NKD1: variants seen among roughly 807,000 people sequenced by gnomAD.
NKD1 encodes protein naked cuticle homolog 1.
In NKD1, 21 loss-of-function variants were observed where a neutral mutation model predicts 56.0. The ratio of observed to expected loss-of-function variants is 0.38; its 90% CI spans 0.27 to 0.54. NKD1 has a LOEUF of 0.54. Among genes scored for constraint, NKD1 ranks in the 20% least tolerant of loss-of-function variants. The pLI, the probability that NKD1 is intolerant of heterozygous loss-of-function variation, is 0.82. For missense variants in NKD1, 578 were observed against 642.7 expected (o/e 0.90, Z 1.09); for synonymous variants, 263 against 265.7 (o/e 0.99, Z 0.10).
chr16:50,584,432 C>T (rs1217523085), intron 3 of NKD1, among the ~76,000 whole-genome samples: 1 of 152,226 alleles, frequency 6.6e-6, no homozygotes, highest in Admixed American at 6.5e-5. Context: ...TGTAATCAGC[C>T]TGCCCCAGTT....
chr16:50,588,598 C>CTTTTTTTTTTTTTTTTTTTTTT (rs574622414), intron 3 of NKD1, among the ~76,000 whole-genome samples: 5 of 94,654 alleles, frequency 5.3e-5, no homozygotes, highest in South Asian at 3.6e-4. Context: ...TTTTCTTCTG[C>CTTTTTTTTTTTTTTTTTTTTTT]TTTTTTTTTT....
intron 3 of NKD1, among the ~76,000 whole-genome samples, chr16:50,595,207 C>G (rs1200112066): frequency 6.6e-6 from 1 of 152,174 alleles, no homozygotes; most frequent in African/African-American, 2.4e-5. Context: ...GATCCTGGCT[C>G]TGCTCCTCTT....
At position 50,640,978 on chromosome 16, in the gene NKD1, G is replaced by C. The variant is rs1962568648; in HGVS notation, c.*7197G>C. 6.6e-6 allele frequency: 1 copy of C among 152,220 alleles called. No homozygotes were observed. Among genetic ancestry groups the C allele is most frequent in the Non-Finnish European group, 1.5e-5 (1 of 68,040 alleles). The allele number at this position is 152,220 out of a possible 1,614,324, so 9.4% of individuals were successfully genotyped here. A position where few individuals can be genotyped will look rare whatever the true frequency, so the allele number is the denominator to read the frequency against. ...TTCCCATTTTAGAGACGGGAGACCTGAGACTCCAGGTGGGGGTGTGGAGTC... is the reference window on the plus strand; with the variant it reads ...TTCCCATTTTAGAGACGGGAGACCTCAGACTCCAGGTGGGGGTGTGGAGTC... On this transcript the variant is annotated 3_prime_UTR_variant, in exon 10 of 10. Transcript: ENST00000268459.
At chr16:50,553,422 G>T (rs1374099767) in intron 3 of NKD1, 5 of 152,246 alleles carry the variant, frequency 3.3e-5, no homozygotes, top group Admixed American at 3.3e-4. Flanking sequence ...AAAGGCGGCT[G>T]CCAGGCAGTT....
intron 6 of NKD1, among the ~76,000 whole-genome samples, chr16:50,628,821 G>C (rs1158960596): frequency 1.3e-5 from 2 of 152,192 alleles, no homozygotes; most frequent in Non-Finnish European, 2.9e-5. Context: ...ATTCCTCACG[G>C]TTCTGGAGGC....
intron 3 of NKD1, chr16:50,556,774 G>T (rs1472111279): frequency 7.1e-6 from 1 of 140,458 alleles, no homozygotes; most frequent in East Asian, 2.1e-4. Flanking sequence ...GGGACTCACT[G>T]TGTTGCCCAG....
At chr16:50,549,362 CG>C in intron 2 of NKD1, 59 bp from the exon 3 acceptor site, 26 of 1,579,310 alleles carry the variant, frequency 1.6e-5, no homozygotes, top group African/African-American at 2.7e-5. Flanking sequence ...CTTCCCTCCG[CG>C]GGGGTAACTT....
At position 50,633,206 on chromosome 16, in the gene NKD1, G is replaced by T; in HGVS notation, c.838G>T (p.Ala280Ser). ...SQFGPGSPSV[A>S]QKSELPPRTS... ...TTGGTTCCTAGGCTCCCCTTCCGTGGCCCAGAAGTCAGAACTGCCCCCCCG... is the reference window on the plus strand; with the variant it reads ...TTGGTTCCTAGGCTCCCCTTCCGTGTCCCAGAAGTCAGAACTGCCCCCCCG... Residue 280 changes from alanine (A) to serine (S), a missense_variant, in exon 10 of 10, where the codon GCC (alanine) becomes TCC (serine). Ala to Ser is a moderately conservative substitution (Grantham distance 99, BLOSUM62 1). Coordinates refer to ENST00000268459, the MANE Select transcript of NKD1 (RefSeq NM_033119.5). This position sits in a 1 kb window ranked among gnomAD's most constrained non-coding sequence, Gnocchi z 4.9. The T allele has an allele frequency of 6.2e-7, 1 of 1,606,496 alleles. No individual in the cohort carries two copies. The highest frequency in any genetic ancestry group is 8.5e-7 in the Non-Finnish European group (1 of 1,174,962).
In NKD1 at chr16:50,581,391, C is replaced by G. The variant is rs936734353; in HGVS notation, c.193-26903C>G. ...TTCCTTCAGTTTAGGGACCAGTTTCCCAAGCTTCTCTGGCCAGGGAGTCCT... is the reference window on the plus strand; with the variant it reads ...TTCCTTCAGTTTAGGGACCAGTTTCGCAAGCTTCTCTGGCCAGGGAGTCCT... On this transcript the variant is annotated intron_variant, in intron 3 of 9. Coordinates refer to ENST00000268459, the MANE Select transcript of NKD1 (RefSeq NM_033119.5). Among the ~76,000 whole-genome samples, 20 of 152,280 alleles carry G rather than the reference C, an allele frequency of 1.3e-4. No individual in the cohort carries two copies. In the East Asian group the frequency reaches 3.5e-3, roughly 26 times the overall value.
At chr16:50,597,303 C>T (rs895696255) in intron 3 of NKD1, among the ~76,000 whole-genome samples, 1 of 151,928 alleles carries the variant, frequency 6.6e-6, no homozygotes, top group Non-Finnish European at 1.5e-5. Flanking sequence ...CTGGGGAGGA[C>T]AGGTTTGGGG....
intron 3 of NKD1, among the ~76,000 whole-genome samples, chr16:50,590,309 C>G (rs918306865): frequency 2.6e-5 from 4 of 152,202 alleles, no homozygotes; most frequent in Admixed American, 1.3e-4. Context: ...ACATCAGATC[C>G]TCATGTAAGT....
chr16:50,597,543 G>A (rs117046442), intron 3 of NKD1, among the ~76,000 whole-genome samples: 2,064 of 152,284 alleles, frequency 0.014, 21 homozygotes, highest in Admixed American at 0.02. Context: ...GAAGGAGACA[G>A]CGCCCCAGTT....
chr16:50,619,278 A>C (rs963132003), intron 4 of NKD1, among the ~76,000 whole-genome samples: 5 of 151,800 alleles, frequency 3.3e-5, no homozygotes, highest in Admixed American at 6.6e-5. Flanking sequence ...CCGGTGGGGC[A>C]GTTTGGGGTC....
intron 4 of NKD1, among the ~76,000 whole-genome samples, chr16:50,609,947 G>A (rs1296321766): frequency 1.3e-5 from 2 of 152,232 alleles, no homozygotes; most frequent in Non-Finnish European, 2.9e-5. Context: ...TGACTGTGTG[G>A]ATAGAGGCCT....
At chr16:50,630,163 G>A (rs759245210) in intron 6 of NKD1, 23 bp from the exon 7 acceptor site, 2 of 1,612,244 alleles carry the variant, frequency 1.2e-6, no homozygotes, top group Middle Eastern at 1.7e-4. Context: ...CCCTGCATGG[G>A]TCTCCGCTTC....
At chr16:50,584,502 C>G (rs1035686861) in intron 3 of NKD1, among the ~76,000 whole-genome samples, 6 of 152,218 alleles carry the variant, frequency 3.9e-5, no homozygotes, top group Non-Finnish European at 5.9e-5. Flanking sequence ...CCTACCTTTG[C>G]TGCTTTCCAA....
chr16:50,574,756 C>T (rs1960957053), intron 3 of NKD1: 1 of 985,386 alleles, frequency 1.0e-6, no homozygotes, highest in East Asian at 1.1e-4. Flanking sequence ...CAAATGGCTC[C>T]CTCTCCCTTT....
chr16:50,635,159 A>C lies in NKD1; in HGVS notation c.*1378A>C, dbSNP rs1483619254. The C allele has an allele frequency of 1.3e-5, 2 of 152,112 alleles. No individual in the cohort carries two copies. Among genetic ancestry groups the C allele is most frequent in the Non-Finnish European group, 2.9e-5 (2 of 68,058 alleles). 9.4% of individuals were successfully genotyped at this position (152,112 alleles called of 1,614,324 possible). On this transcript the variant is annotated 3_prime_UTR_variant, in exon 10 of 10. Transcript: ENST00000268459. The surrounding 1 kb of genome is among the most constrained non-coding windows in gnomAD (Gnocchi z 4.1). The stretch of plus-strand genomic sequence containing the variant: ...GCTAGCAGTGTGGGGCGCTATTCCC[A>C]CCCCTGGGCCTGAGTGGGGAAGGAG...
Position 50,641,519 on chromosome 16 carries a change from T to C in NKD1, c.*7738T>C, listed in dbSNP as rs1445272506. 3 of 152,178 alleles carry C rather than the reference T, an allele frequency of 2.0e-5. No homozygotes were observed. Among genetic ancestry groups the C allele is most frequent in the Non-Finnish European group, 4.4e-5 (3 of 68,022 alleles). 9.4% of individuals were successfully genotyped at this position (152,178 alleles called of 1,614,324 possible). On this transcript the variant is annotated 3_prime_UTR_variant, in exon 10 of 10. Coordinates refer to ENST00000268459, the MANE Select transcript of NKD1 (RefSeq NM_033119.5). ...GGATGTTTGGCTTTTCTCATAAAAA[T>C]CAGAAAGTGGGTTTACCCCAGGCTC...
Sources: gnomAD v4.1 joint callset for allele counts (sites outside exome capture counted in the v4.1 genomes callset) on GRCh38, gnomAD v4.1.1 for gene constraint, Gnocchi (gnomAD v3.1) non-coding constraint, MANE v1.5 for transcripts, NCBI Gene and HGNC (gene_info 2026-07-23, HGNC 2026-07-21) for gene names.